Variants in EDEM1 observed in about 807,000 individuals in gnomAD.
The protein encoded by EDEM1 is ER degradation enhancing alpha-mannosidase like protein 1, also known as ER degradation-enhancing alpha-mannosidase-like protein 1.
In EDEM1, 67 loss-of-function variants were observed where a neutral mutation model predicts 74.4. The observed-to-expected ratio is 0.90, with a 90% CI of 0.74 to 1.10. The LOEUF is 1.10. Among genes scored for constraint, EDEM1 ranks in the 50% least tolerant of loss-of-function variants. EDEM1 has a pLI of 0.00. For missense variants in EDEM1, 926 were observed against 851.6 expected (o/e 1.09, Z -1.09); for synonymous variants, 382 against 335.9 (o/e 1.14, Z -1.50).
chr3:5,190,516 G>C (rs896100720), intron 1 of EDEM1, among the ~76,000 whole-genome samples: 11 of 152,210 alleles, frequency 7.2e-5, no homozygotes, highest in African/African-American at 2.7e-4. Flanking sequence ...TAACTTGCTG[G>C]TCTTTGTGGT....
Position 5,204,410 on chromosome 3 carries a change from A to G in EDEM1, c.1043-657A>G, listed in dbSNP as rs191722184. Among the ~76,000 whole-genome samples, 207 of 150,654 alleles carry G rather than the reference A, an allele frequency of 1.4e-3. 1 individual carries two copies. The highest frequency in any genetic ancestry group is 4.9e-3 in the African/African-American group (200 of 40,938). On this transcript the variant is annotated intron_variant, in intron 5 of 11. Transcript: ENST00000256497. ...GTCTTTTGAGACAGGGTCTCCCTCC[A>G]TCACCCAGGCTGGACGGCAGTGGCA...
In EDEM1 at chr3:5,215,904, G is replaced by A. The variant is rs371019199; in HGVS notation, c.1960G>A (p.Val654Ile). Residue 654 changes from valine (V) to isoleucine (I), a missense_variant, in exon 12 of 12, where the codon GTT (valine) becomes ATT (isoleucine). Physicochemically the swap from Val to Ile is conservative, Grantham distance 29. Coordinates refer to ENST00000256497, the MANE Select transcript of EDEM1 (RefSeq NM_014674.3). Reference protein sequence around the residue: ...SIYMRQIDQMVGLI With the variant: ...SIYMRQIDQMIGLI ...CTACATGCGACAGATTGACCAGATG[G>A]TTGGTTTGATTTGATCTGCTCTCTG... 1.4e-5 allele frequency: 23 copies of A among 1,612,542 alleles called. No individual in the cohort carries two copies. The highest frequency in any genetic ancestry group is 2.2e-5 in the East Asian group (1 of 44,776).
rs1423388069 is a variant in EDEM1, at chr3:5,208,076, C to CT, written c.1339-16dup. Reference sequence around the variant, plus strand: ...AGGAATGGTATCTCAGCCTGATGACCTGTGTCCTCTCCTTAGGTGCTGATA... The same window carrying CT: ...AGGAATGGTATCTCAGCCTGATGACCTTGTGTCCTCTCCTTAGGTGCTGATA... On this transcript the variant is annotated splice_polypyrimidine_tract_variant and intron_variant, in intron 7 of 11. Coordinates refer to ENST00000256497, the MANE Select transcript of EDEM1 (RefSeq NM_014674.3). 6.3e-7 allele frequency: 1 copy of CT among 1,583,504 alleles called. No homozygotes were observed. The highest frequency in any genetic ancestry group is 2.2e-5 in the East Asian group (1 of 44,516).
intron 3 of EDEM1, among the ~76,000 whole-genome samples, chr3:5,201,336 A>G (rs904830468): frequency 2.0e-5 from 3 of 150,626 alleles, no homozygotes; most frequent in African/African-American, 7.3e-5. Flanking sequence ...TTTATTTTTA[A>G]TAGAGACAGG....
chr3:5,207,918 TAGGG>T (rs1268844291), intron 7 of EDEM1, among the ~76,000 whole-genome samples, 171 bp from the exon 8 acceptor site: 3 of 152,358 alleles, frequency 2.0e-5, no homozygotes, highest in East Asian at 1.9e-4. Context: ...AGTGGCCAGA[TAGGG>T]AGGGCATTTA....
rs775331262 is a variant in EDEM1 at position 5,202,957 on chromosome 3, C to T, written c.859-9C>T. 1.2e-6 allele frequency: 2 copies of T among 1,612,524 alleles called. No individual in the cohort carries two copies. Among genetic ancestry groups the T allele is most frequent in the East Asian group, 4.5e-5 (2 of 44,708 alleles). ...TTTTGTCACAGTCTTTGTCTGTTCC[C>T]ATCCCCAGGTGAATCTAAAGACAGG... On this transcript the variant is annotated splice_polypyrimidine_tract_variant and intron_variant, in intron 4 of 11. Coordinates refer to ENST00000256497, the MANE Select transcript of EDEM1 (RefSeq NM_014674.3).
chr3:5,194,929 C>T (rs1051990312), intron 1 of EDEM1, among the ~76,000 whole-genome samples: 4 of 152,188 alleles, frequency 2.6e-5, no homozygotes, highest in African/African-American at 9.7e-5. Flanking sequence ...AAACCTGAAT[C>T]TCAGAGAGGA....
intron 1 of EDEM1, among the ~76,000 whole-genome samples, chr3:5,192,083 C>G (rs1032300146): frequency 6.6e-6 from 1 of 152,246 alleles, no homozygotes; most frequent in African/African-American, 2.4e-5. Context: ...AAGTCCTGCC[C>G]TCTTTCAGAG....
At chr3:5,211,782 C>A (rs1257737880) in intron 10 of EDEM1, among the ~76,000 whole-genome samples, 1 of 152,178 alleles carries the variant, frequency 6.6e-6, no homozygotes, top group African/African-American at 2.4e-5. Context: ...ACAGCCTACA[C>A]AGAGGTCAGG....
chr3:5,195,810 C>G (rs937849209), intron 2 of EDEM1, among the ~76,000 whole-genome samples: 1 of 152,256 alleles, frequency 6.6e-6, no homozygotes, highest in African/African-American at 2.4e-5. Flanking sequence ...GCTGGCATTA[C>G]TGCCTCATCC....
chr3:5,207,990 C>T (rs1474923252), intron 7 of EDEM1, 103 bp from the exon 8 acceptor site: 5 of 1,389,506 alleles, frequency 3.6e-6, no homozygotes, highest in Non-Finnish European at 3.9e-6. Flanking sequence ...TGTAGGTCAA[C>T]TAAGAACTCG....
chr3:5,210,135 C>A (rs200565135), intron 8 of EDEM1, 40 bp from the exon 9 acceptor site: 2 of 1,572,818 alleles, frequency 1.3e-6, no homozygotes, highest in East Asian at 4.5e-5. Context: ...GCATGTCTTC[C>A]AAGCCCATGC....
At chr3:5,202,842 C>G in intron 4 of EDEM1, 124 bp from the exon 5 acceptor site, 1 of 735,996 alleles carries the variant, frequency 1.4e-6, no homozygotes, top group East Asian at 2.7e-5. Flanking sequence ...TCTTGGAAGG[C>G]AGAGGGCAGA....
At chr3:5,198,120 C>T (rs1178127694) in intron 2 of EDEM1, among the ~76,000 whole-genome samples, 3 of 151,208 alleles carry the variant, frequency 2.0e-5, no homozygotes, top group Non-Finnish European at 4.4e-5. Context: ...TCTCGGCTCA[C>T]TGCACCCTCC....
At chr3:5,188,614 G>A (rs946005019) in intron 1 of EDEM1, among the ~76,000 whole-genome samples, 1 of 152,228 alleles carries the variant, frequency 6.6e-6, no homozygotes, top group Non-Finnish European at 1.5e-5. Context: ...AGGGACAGTG[G>A]CAGTGCCAAG....
chr3:5,210,647 ATATG>A (rs1446868465), intron 9 of EDEM1, among the ~76,000 whole-genome samples: 2 of 152,014 alleles, frequency 1.3e-5, no homozygotes, highest in East Asian at 1.9e-4. Flanking sequence ...ATGTGTGTAT[ATATG>A]TATATATAAG....
At chr3:5,206,085 T>TC (rs1276749727) in intron 6 of EDEM1, among the ~76,000 whole-genome samples, 1 of 152,164 alleles carries the variant, frequency 6.6e-6, no homozygotes, top group Non-Finnish European at 1.5e-5. Context: ...CATTTTTTTT[T>TC]CTCTCTGAGT....
At position 5,219,359 on chromosome 3, in the gene EDEM1, T is replaced by C. The variant is rs527570598; in HGVS notation, c.*3441T>C. ...CCACAGGGTGGCTGAGCAGGAACTT[T>C]AGAAGAAAATCCTGAGCTTTCCTGT... On this transcript the variant is annotated 3_prime_UTR_variant, in exon 12 of 12. Transcript: ENST00000256497. The C allele has an allele frequency of 2.6e-5, 4 of 152,208 alleles. No homozygotes were observed. The highest frequency in any genetic ancestry group is 9.6e-5 in the African/African-American group (4 of 41,456). The allele number at this position is 152,208 out of a possible 1,614,324, so 9.4% of individuals were successfully genotyped here. A position where few individuals can be genotyped will look rare whatever the true frequency, so the allele number is the denominator to read the frequency against.
chr3:5,196,904 ATCG>A (rs1183737723), intron 2 of EDEM1, among the ~76,000 whole-genome samples: 1 of 150,672 alleles, frequency 6.6e-6, no homozygotes, highest in Non-Finnish European at 1.5e-5. Flanking sequence ...GAGCTTTGTC[ATCG>A]TCGTCGTCTT....
Sources: allele counts gnomAD v4.1 joint callset (sites outside exome capture counted in the v4.1 genomes callset), GRCh38; gene constraint gnomAD v4.1.1; transcripts MANE v1.5; gene names NCBI Gene and HGNC (gene_info 2026-07-23, HGNC 2026-07-21).